Variants in DLGAP2 observed in about 807,000 individuals in gnomAD.
DLGAP2 encodes the protein DLG associated protein 2, also known as disks large-associated protein 2.
DLGAP2 carries 26 observed loss-of-function variants against 100.3 expected under a neutral mutation model. The ratio of observed to expected loss-of-function variants is 0.26; its 90% CI spans 0.19 to 0.36. DLGAP2 has a LOEUF of 0.36. Among genes scored for constraint, DLGAP2 ranks in the 10% least tolerant of loss-of-function variants. The pLI is 1.00. For missense variants in DLGAP2, 1,858 were observed against 1,453.2 expected, an observed-to-expected ratio of 1.28 and a Z score of -4.53; for synonymous variants, 886 against 630.1, an observed-to-expected ratio of 1.41 and a Z score of -6.08.
At chr8:1,229,245 T>G (rs906653417) in intron 2 of DLGAP2, among the ~76,000 whole-genome samples, 1 of 151,634 alleles carries the variant, frequency 6.6e-6, no homozygotes, top group African/African-American at 2.4e-5. Flanking sequence ...GCTGGTTTCA[T>G]AGAAAGAGGA....
At position 849,951 on chromosome 8, in the gene DLGAP2, C is replaced by T. The variant is rs764743794; in HGVS notation, c.19-57961C>T. On this transcript the variant is annotated intron_variant, in intron 1 of 14. Coordinates refer to ENST00000637795, the MANE Select transcript of DLGAP2 (RefSeq NM_001346810.2). ...TGGTGCTGTGGGCCTGTAATTCCAG[C>T]TACTTGGGAGGCTGAGGCAGGAGAA... Among the ~76,000 whole-genome samples the T allele has an allele frequency of 8.6e-5, 13 of 151,496 alleles. No individual in the cohort carries two copies. In the South Asian group the frequency reaches 1.5e-3, roughly 17 times the overall value.
At chr8:1,372,020 C>T (rs1204485590) in intron 3 of DLGAP2, among the ~76,000 whole-genome samples, 1 of 152,236 alleles carries the variant, frequency 6.6e-6, no homozygotes, top group Non-Finnish European at 1.5e-5. Flanking sequence ...CTTAGTGGTG[C>T]AGCCTGCTGT....
intron 2 of DLGAP2, among the ~76,000 whole-genome samples, chr8:1,168,656 T>A (rs969831424): frequency 1.3e-3 from 191 of 147,446 alleles, no homozygotes; most frequent in African/African-American, 4.5e-3. Flanking sequence ...TTTTCATGTG[T>A]TTTTTGGCTG....
intron 2 of DLGAP2, among the ~76,000 whole-genome samples, chr8:924,225 A>G (rs1193087658): frequency 6.6e-6 from 1 of 152,160 alleles, no homozygotes; most frequent in Non-Finnish European, 1.5e-5. Flanking sequence ...GAAGGAGGTG[A>G]CGTTAATTCA....
intron 2 of DLGAP2, among the ~76,000 whole-genome samples, chr8:1,029,126 G>A (rs1488597399): frequency 4.6e-5 from 7 of 152,290 alleles, no homozygotes; most frequent in Middle Eastern, 3.4e-3. Flanking sequence ...ATAACATAGC[G>A]TGGCCGGCCA....
In DLGAP2 at chr8:1,164,112, G is replaced by GTC. The variant is rs1554494582; in HGVS notation, c.74-94739_74-94738insTC. On this transcript the variant is annotated intron_variant, in intron 2 of 14. Transcript: ENST00000637795. ...GTGCTGGGGACAGATTTTTCTGTGA[G>GTC]CCCGCAGGGCCCGTCATTTTGGTTT... Among the ~76,000 whole-genome samples, 24 of 29,960 alleles carry GTC rather than the reference G, an allele frequency of 8.0e-4. 5 individuals are homozygous for GTC. The highest frequency in any genetic ancestry group is 1.3e-3 in the African/African-American group (14 of 10,404). The allele number at this position is 29,960 out of a possible 152,430, so 19.7% of individuals were successfully genotyped here. A position where few individuals can be genotyped will look rare whatever the true frequency, so the allele number is the denominator to read the frequency against.
chr8:1,548,731 T>G lies in DLGAP2; in HGVS notation c.278T>G (p.Leu93Arg), dbSNP rs748718951. ...TCCGGAAGTCGGACCCAGCCGCCGC[T>G]GTGTTCCGGGCACACGTGTGGTCTG... Reference protein sequence around the residue: ...GLSGSRTQPPLCSGHTCGLAP... With the variant: ...GLSGSRTQPPRCSGHTCGLAP... The change falls in exon 5 of 15, where the codon CTG becomes CGG. Residue 93 changes from leucine (L) to arginine (R), a missense_variant. Coordinates refer to ENST00000637795, the MANE Select transcript of DLGAP2 (RefSeq NM_001346810.2). The G allele has an allele frequency of 6.2e-7, 1 of 1,607,046 alleles. No homozygotes were observed. Among genetic ancestry groups the G allele is most frequent in the Admixed American group, 1.7e-5 (1 of 59,650 alleles).
intron 6 of DLGAP2, among the ~76,000 whole-genome samples, chr8:1,569,063 C>T (rs141308667): frequency 0.012 from 1,750 of 150,168 alleles, 18 homozygotes; most frequent in Non-Finnish European, 0.019. Context: ...CCACTGCCCA[C>T]TCAGCAGACA....
intron 1 of DLGAP2, among the ~76,000 whole-genome samples, chr8:781,910 C>T (rs1410494800): frequency 6.6e-6 from 1 of 151,888 alleles, no homozygotes; most frequent in Non-Finnish European, 1.5e-5. Flanking sequence ...AGGATAATAC[C>T]ACTGCTATTC....
intron 4 of DLGAP2, among the ~76,000 whole-genome samples, chr8:1,513,916 C>T (rs1343506666): frequency 1.3e-5 from 2 of 152,222 alleles, no homozygotes; most frequent in Non-Finnish European, 2.9e-5. Flanking sequence ...CCATCCATTT[C>T]AGCATTTACT....
At chr8:1,597,719 G>T (rs1035805733) in intron 6 of DLGAP2, among the ~76,000 whole-genome samples, 6 of 152,304 alleles carry the variant, frequency 3.9e-5, no homozygotes, top group Admixed American at 2.6e-4. Context: ...CATTGATTTT[G>T]TATCCCGAGA....
At position 1,672,282 on chromosome 8, in the gene DLGAP2, G is replaced by A. The variant is rs138982338; in HGVS notation, c.2202+2498G>A. Among the ~76,000 whole-genome samples the A allele has an allele frequency of 2.7e-5, 4 of 149,276 alleles. No homozygotes were observed. The East Asian group carries it at 7.9e-4, about 29-fold the overall frequency. On this transcript the variant is annotated intron_variant, in intron 10 of 14. Transcript: ENST00000637795. Reference sequence around the variant, plus strand: ...CACTCTGTTGCCCAGGCTGAAGTGCGTGGCACGATCTCAGGTCACTGCAGC... The same window carrying A: ...CACTCTGTTGCCCAGGCTGAAGTGCATGGCACGATCTCAGGTCACTGCAGC...
At chr8:1,123,009 T>A (rs1796085354) in intron 2 of DLGAP2, among the ~76,000 whole-genome samples, 1 of 152,198 alleles carries the variant, frequency 6.6e-6, no homozygotes, top group African/African-American at 2.4e-5. Flanking sequence ...CTCAGCATAA[T>A]TCTATGCCTT....
At chr8:1,258,012 C>A (rs981756162) in intron 2 of DLGAP2, among the ~76,000 whole-genome samples, 3 of 152,232 alleles carry the variant, frequency 2.0e-5, no homozygotes, top group Non-Finnish European at 4.4e-5. Flanking sequence ...GCACTTGCTA[C>A]AGCTTCCTTG....
chr8:894,622 T>A (rs1390168564), intron 1 of DLGAP2, among the ~76,000 whole-genome samples: 1 of 15,714 alleles, frequency 6.4e-5, no homozygotes, highest in Non-Finnish European at 1.1e-4. Context: ...GAGTGACAGC[T>A]GGCAGGGGTG....
chr8:1,438,492 A>AG (rs1797718385), intron 3 of DLGAP2, among the ~76,000 whole-genome samples: 2 of 152,238 alleles, frequency 1.3e-5, no homozygotes, highest in African/African-American at 4.8e-5. Context: ...TTAAAAAAAA[A>AG]CCACCATACG....
chr8:1,093,637 A>C (rs966094536), intron 2 of DLGAP2, among the ~76,000 whole-genome samples: 19 of 151,994 alleles, frequency 1.3e-4, no homozygotes, highest in Non-Finnish European at 2.6e-4. Flanking sequence ...AGACAGAAAC[A>C]CTTTCACACT....
intron 2 of DLGAP2, among the ~76,000 whole-genome samples, chr8:1,187,728 A>G (rs1797541086): frequency 7.0e-6 from 1 of 142,194 alleles, no homozygotes; most frequent in Admixed American, 6.9e-5. Flanking sequence ...GGAATCTCAC[A>G]CGCCCGAGAC....
chr8:1,187,235 G>T (rs558109319), intron 2 of DLGAP2, among the ~76,000 whole-genome samples: 1 of 151,530 alleles, frequency 6.6e-6, no homozygotes, highest in Non-Finnish European at 1.5e-5. Context: ...CCTCCGTGAC[G>T]TTTGCCTCAT....
Sources: allele counts gnomAD v4.1 joint callset (sites outside exome capture counted in the v4.1 genomes callset), GRCh38; gene constraint gnomAD v4.1.1; transcripts MANE v1.5; gene names NCBI Gene and HGNC (gene_info 2026-07-23, HGNC 2026-07-21).